The following LPP variants were observed in gnomAD, a reference collection of about 807,000 sequenced individuals.
LPP encodes the protein lipoma-preferred partner.
In LPP, 38 loss-of-function variants were observed where a neutral mutation model predicts 60.4. The ratio of observed to expected loss-of-function variants is 0.63; its 90% CI spans 0.49 to 0.83. The LOEUF (loss-of-function observed/expected upper bound fraction) is 0.83, where lower values mean the gene tolerates loss of function less well. LPP is among the 40% of genes least tolerant of loss of function. The pLI is 0.00. For missense variants in LPP, 902 were observed against 783.6 expected (o/e 1.15, Z -1.80); for synonymous variants, 328 against 290.8 (o/e 1.13, Z -1.30).
intron 9 of LPP, among the ~76,000 whole-genome samples, chr3:188,811,500 C>G (rs375517189): frequency 2.0e-5 from 3 of 151,406 alleles, no homozygotes; most frequent in Admixed American, 6.6e-5. Context: ...GTAGATAGTG[C>G]GTAAGAATTG....
intron 6 of LPP, among the ~76,000 whole-genome samples, chr3:188,590,328 T>C (rs1319595071): frequency 2.6e-5 from 4 of 152,166 alleles, no homozygotes; most frequent in Non-Finnish European, 4.4e-5. Flanking sequence ...ATCCCAGTAC[T>C]TTGGGAGGCC....
intron 3 of LPP, among the ~76,000 whole-genome samples, chr3:188,342,167 G>C (rs1763228722): frequency 6.6e-6 from 1 of 152,130 alleles, no homozygotes; most frequent in Non-Finnish European, 1.5e-5. Context: ...AAATATTTAT[G>C]GCTGGGTCAG....
intron 2 of LPP, among the ~76,000 whole-genome samples, chr3:188,244,915 A>G (rs1225723921): frequency 6.6e-6 from 1 of 152,132 alleles, no homozygotes; most frequent in Non-Finnish European, 1.5e-5. Flanking sequence ...TGAATGAATG[A>G]TGGATGAATG....
intron 9 of LPP, among the ~76,000 whole-genome samples, chr3:188,794,504 A>G (rs1744744766): frequency 6.6e-6 from 1 of 152,174 alleles, no homozygotes; most frequent in Admixed American, 6.5e-5. Context: ...AGCTGGATTC[A>G]TATTAGAGGG....
chr3:188,786,936 T>A (rs1029247971), intron 9 of LPP, among the ~76,000 whole-genome samples: 2 of 152,110 alleles, frequency 1.3e-5, no homozygotes, highest in Non-Finnish European at 2.9e-5. Context: ...AGACAAGAAG[T>A]CAGGGATTAG....
chr3:188,246,829 A>T (rs1027512017), intron 2 of LPP, among the ~76,000 whole-genome samples: 59 of 152,196 alleles, frequency 3.9e-4, no homozygotes, highest in African/African-American at 1.3e-3. Context: ...ATCTTGTTCG[A>T]AGTTACTAAT....
chr3:188,680,211 A>C (rs758481245), intron 7 of LPP, among the ~76,000 whole-genome samples: 23 of 152,110 alleles, frequency 1.5e-4, no homozygotes, highest in Non-Finnish European at 2.8e-4. Flanking sequence ...GGAAATATGG[A>C]CTATGACTTC....
intron 5 of LPP, among the ~76,000 whole-genome samples, chr3:188,490,642 G>A (rs1276760173): frequency 6.6e-6 from 1 of 151,874 alleles, no homozygotes; most frequent in Non-Finnish European, 1.5e-5. Flanking sequence ...AGGATTACAG[G>A]TATGAGCCAC....
intron 7 of LPP, among the ~76,000 whole-genome samples, chr3:188,688,199 G>A (rs1021134311): frequency 6.6e-6 from 1 of 152,164 alleles, no homozygotes; most frequent in African/African-American, 2.4e-5. Context: ...ATTTGGCACA[G>A]CTCATATTCT....
At chr3:188,383,317 T>A (rs1777383656) in intron 3 of LPP, among the ~76,000 whole-genome samples, 1 of 152,204 alleles carries the variant, frequency 6.6e-6, no homozygotes, top group African/African-American at 2.4e-5. Context: ...TGGTGTGTAT[T>A]AGTGAGAAAA....
At chr3:188,777,231 C>T (rs116763885) in intron 9 of LPP, among the ~76,000 whole-genome samples, 2,502 of 151,862 alleles carry the variant, frequency 0.016, 36 homozygotes, top group Non-Finnish European at 0.027. Flanking sequence ...GAGAAGGTAA[C>T]CCATATAGCC....
chr3:188,304,387 C>T (rs1486284191), intron 2 of LPP, among the ~76,000 whole-genome samples: 2 of 152,210 alleles, frequency 1.3e-5, no homozygotes, highest in Non-Finnish European at 2.9e-5. Flanking sequence ...CAAGTTCTGT[C>T]ACCAAATTAT....
chr3:188,322,218 G>T (rs1757152837), intron 2 of LPP, among the ~76,000 whole-genome samples: 1 of 152,180 alleles, frequency 6.6e-6, no homozygotes, highest in African/African-American at 2.4e-5. Context: ...GTTTAAGCTT[G>T]GACTGTAGAT....
intron 3 of LPP, among the ~76,000 whole-genome samples, chr3:188,376,518 G>A (rs1775144913): frequency 6.6e-6 from 1 of 152,086 alleles, no homozygotes; most frequent in African/African-American, 2.4e-5. Context: ...TCAGAGACTA[G>A]GATTGCAACC....
intron 7 of LPP, among the ~76,000 whole-genome samples, chr3:188,685,368 G>C (rs982677496): frequency 1.3e-5 from 2 of 152,118 alleles, no homozygotes; most frequent in Non-Finnish European, 2.9e-5. Context: ...GTGGTCCACA[G>C]CCTCGGTGTG....
At chr3:188,653,401 A>T (rs1348782269) in intron 7 of LPP, among the ~76,000 whole-genome samples, 1 of 152,182 alleles carries the variant, frequency 6.6e-6, no homozygotes. Context: ...TATGGTTAAC[A>T]TAATTATAGG....
chr3:188,831,950 C>G (rs1326466512), intron 9 of LPP, among the ~76,000 whole-genome samples: 5 of 152,120 alleles, frequency 3.3e-5, no homozygotes. Flanking sequence ...TTTAATGAGA[C>G]TTCAGTAGGT....
intron 5 of LPP, among the ~76,000 whole-genome samples, chr3:188,510,231 C>T (rs1240023372): frequency 1.3e-5 from 2 of 152,276 alleles, no homozygotes; most frequent in Non-Finnish European, 1.5e-5. Context: ...CTCCTTTAGA[C>T]TTTCTTCAGC....
intron 7 of LPP, among the ~76,000 whole-genome samples, chr3:188,689,433 T>C (rs1017411734): frequency 6.6e-6 from 1 of 152,232 alleles, no homozygotes; most frequent in Non-Finnish European, 1.5e-5. Context: ...CTTTGTGTAA[T>C]CAATTGTATT....
Sources: allele counts gnomAD v4.1 joint callset (sites outside exome capture counted in the v4.1 genomes callset), GRCh38; gene constraint gnomAD v4.1.1; transcripts MANE v1.5; gene names NCBI Gene and HGNC (gene_info 2026-07-23, HGNC 2026-07-21).